The following FRMD4A variants were observed in gnomAD, a reference collection of about 807,000 sequenced individuals.
FRMD4A encodes the protein FERM domain containing 4A, also known as FERM domain-containing protein 4A.
FRMD4A carries 29 observed loss-of-function variants against 129.1 expected under a neutral mutation model. That is an observed-to-expected ratio of 0.22 (90% CI 0.17 to 0.31). The LOEUF (loss-of-function observed/expected upper bound fraction) is 0.31. FRMD4A is among the 10% of genes least tolerant of loss of function. FRMD4A has a pLI of 1.00. For synonymous variants in FRMD4A, 634 were observed against 571.6 expected, an observed-to-expected ratio of 1.11 and a Z score of -1.56; for missense variants, 1,272 against 1,375.8, an observed-to-expected ratio of 0.92 and a Z score of 1.19.
At chr10:13,723,779 T>C (rs372469891) in intron 12 of FRMD4A, among the ~76,000 whole-genome samples, 2 of 152,352 alleles carry the variant, frequency 1.3e-5, no homozygotes, top group East Asian at 3.9e-4. Context: ...AGATGTACTC[T>C]TCTCCTTCAA....
At position 14,227,243 on chromosome 10, in the gene FRMD4A, C is replaced by CTTTTTTTTTTTTTTT. The variant is rs10674411; in HGVS notation, c.45+102800_45+102814dup. Among the ~76,000 whole-genome samples, 5 of 64,130 alleles carry CTTTTTTTTTTTTTTT rather than the reference C, an allele frequency of 7.8e-5. 1 individual carries two copies. The highest frequency in any genetic ancestry group is 1.2e-4 in the African/African-American group (2 of 16,020). 42.1% of individuals were successfully genotyped at this position (64,130 alleles called of 152,430 possible). ...TCCTCCTCCTCCTTCTCTTCTTCTT[C>CTTTTTTTTTTTTTTT]TTTTTTTTTTTTTTTTTTTTTTTTT... On this transcript the variant is annotated intron_variant, in intron 2 of 24. Transcript: ENST00000357447.
intron 21 of FRMD4A, among the ~76,000 whole-genome samples, chr10:13,657,989 G>C (rs373340591): frequency 6.6e-6 from 1 of 151,280 alleles, no homozygotes. Context: ...AAATAAATTA[G>C]AAAATTAGCT....
chr10:13,811,290 CTT>C (rs1251736240), intron 3 of FRMD4A, among the ~76,000 whole-genome samples: 61 of 126,242 alleles, frequency 4.8e-4, no homozygotes, highest in Admixed American at 8.0e-4. Flanking sequence ...CCACGCATGG[CTT>C]TTTTTTTTTT....
intron 15 of FRMD4A, among the ~76,000 whole-genome samples, chr10:13,677,896 GA>G (rs1323281794): frequency 1.3e-5 from 2 of 152,196 alleles, no homozygotes; most frequent in Non-Finnish European, 2.9e-5. Context: ...TTGGGTCCAA[GA>G]AGATTAAAGG....
intron 2 of FRMD4A, among the ~76,000 whole-genome samples, chr10:14,052,755 G>A (rs1834322578): frequency 6.6e-6 from 1 of 151,902 alleles, no homozygotes; most frequent in African/African-American, 2.4e-5. Flanking sequence ...GTAGAGATGA[G>A]GTTTCACCAT....
chr10:14,104,909 GC>G (rs773811288), intron 2 of FRMD4A, among the ~76,000 whole-genome samples: 10 of 152,196 alleles, frequency 6.6e-5, no homozygotes, highest in Admixed American at 5.9e-4. Context: ...TGAGAAGTGT[GC>G]CCTTAGATAC....
intron 2 of FRMD4A, among the ~76,000 whole-genome samples, chr10:14,254,627 T>C (rs1339990333): frequency 6.6e-6 from 1 of 152,050 alleles, no homozygotes; most frequent in Non-Finnish European, 1.5e-5. Context: ...CAAATATTTT[T>C]AAAAGCCTAG....
chr10:14,065,167 T>G (rs1834996164), intron 2 of FRMD4A, among the ~76,000 whole-genome samples: 1 of 152,030 alleles, frequency 6.6e-6, no homozygotes, highest in Non-Finnish European at 1.5e-5. Flanking sequence ...GCCTAATTCA[T>G]TCATTGGGAC....
intron 2 of FRMD4A, among the ~76,000 whole-genome samples, chr10:14,131,166 T>A (rs188862985): frequency 2.7e-3 from 417 of 152,310 alleles, no homozygotes; most frequent in Middle Eastern, 0.014. Flanking sequence ...CCCCAAATTA[T>A]ACTTTTGCTA....
chr10:13,897,127 GC>G (rs1589204514), intron 2 of FRMD4A, among the ~76,000 whole-genome samples: 1 of 152,172 alleles, frequency 6.6e-6, no homozygotes, highest in Non-Finnish European at 1.5e-5. Flanking sequence ...TCGCTGACCA[GC>G]CCTAACATGT....
intron 2 of FRMD4A, chr10:14,007,592 C>A (rs772086036): frequency 2.6e-5 from 4 of 153,622 alleles, no homozygotes; most frequent in Admixed American, 6.4e-5. Flanking sequence ...CAACTGCCTG[C>A]ATAATTTAAA....
intron 2 of FRMD4A, among the ~76,000 whole-genome samples, chr10:14,310,735 T>C (rs553220187): frequency 7.9e-5 from 12 of 152,230 alleles, no homozygotes; most frequent in Admixed American, 5.2e-4. Context: ...CCTATGCAAA[T>C]GGCACACCTT....
At chr10:13,880,569 C>T (rs2094535814) in intron 2 of FRMD4A, among the ~76,000 whole-genome samples, 1 of 152,174 alleles carries the variant, frequency 6.6e-6, no homozygotes, top group South Asian at 2.1e-4. Context: ...AGGGTAGAGC[C>T]TTAAAGGCCC....
chr10:13,885,204 G>A (rs2094604884), intron 2 of FRMD4A, among the ~76,000 whole-genome samples: 1 of 152,180 alleles, frequency 6.6e-6, no homozygotes, highest in Non-Finnish European at 1.5e-5. Context: ...GGGAAACATA[G>A]CAAGATCCCA....
chr10:13,694,068 A>T, intron 14 of FRMD4A, 29 bp from the exon 15 acceptor site: 1 of 1,495,698 alleles, frequency 6.7e-7, no homozygotes, highest in Non-Finnish European at 8.9e-7. Context: ...CAGGTCAAAG[A>T]AGTGACGCTC....
intron 2 of FRMD4A, among the ~76,000 whole-genome samples, chr10:14,272,322 A>G (rs958632201): frequency 6.6e-6 from 1 of 152,140 alleles, no homozygotes; most frequent in Non-Finnish European, 1.5e-5. Flanking sequence ...AAGGAATCAC[A>G]TGACCCTAAC....
intron 2 of FRMD4A, among the ~76,000 whole-genome samples, chr10:14,318,087 T>C (rs1846816082): frequency 1.3e-5 from 2 of 152,150 alleles, no homozygotes; most frequent in Non-Finnish European, 2.9e-5. Context: ...TGTTCATGTT[T>C]CCCCATTGTA....
At chr10:14,248,008 C>G (rs1334448016) in intron 2 of FRMD4A, among the ~76,000 whole-genome samples, 16 of 152,192 alleles carry the variant, frequency 1.1e-4, no homozygotes, top group Admixed American at 1.0e-3. Context: ...TCTGTTCCCT[C>G]TGTTCTCAAA....
intron 2 of FRMD4A, among the ~76,000 whole-genome samples, chr10:14,279,182 ATTT>A (rs1223887250): frequency 0.011 from 1,063 of 99,584 alleles, 14 homozygotes; most frequent in Admixed American, 0.062. Flanking sequence ...AGGAAGCGGG[ATTT>A]TTTTTTTTTT....
Sources: allele counts gnomAD v4.1 joint callset (sites outside exome capture counted in the v4.1 genomes callset), GRCh38; gene constraint gnomAD v4.1.1; transcripts MANE v1.5; gene names NCBI Gene and HGNC (gene_info 2026-07-23, HGNC 2026-07-21).